Variants in RASAL2 observed in about 807,000 individuals in gnomAD.
RASAL2 encodes ras GTPase-activating protein nGAP.
Under a neutral mutation model 128.9 loss-of-function variants are expected in RASAL2, and 58 were observed. The ratio of observed to expected loss-of-function variants is 0.45; its 90% CI spans 0.36 to 0.56. The LOEUF (loss-of-function observed/expected upper bound fraction) is 0.56, where lower values mean the gene tolerates loss of function less well. Among genes scored for constraint, RASAL2 ranks in the 20% least tolerant of loss-of-function variants. The pLI is 0.00. For missense variants in RASAL2, 1,360 were observed against 1,601.6 expected (o/e 0.85, Z 2.57); for synonymous variants, 561 against 580.8 (o/e 0.97, Z 0.49).
At chr1:178,246,597 C>A (rs1664775553) in intron 1 of RASAL2, among the ~76,000 whole-genome samples, 1 of 152,116 alleles carries the variant, frequency 6.6e-6, no homozygotes, top group African/African-American at 2.4e-5. Context: ...GAACTTCCAA[C>A]ACTATGTTGA....
At chr1:178,166,312 A>G (rs1424109760) in intron 1 of RASAL2, among the ~76,000 whole-genome samples, 3 of 152,204 alleles carry the variant, frequency 2.0e-5, no homozygotes, top group Admixed American at 6.6e-5. Flanking sequence ...AAAGTTTTCT[A>G]TGAAATGATA....
chr1:178,471,142 G>C (rs989131892), intron 17 of RASAL2, among the ~76,000 whole-genome samples: 7 of 151,972 alleles, frequency 4.6e-5, no homozygotes, highest in African/African-American at 1.7e-4. Context: ...TTTATTTTTG[G>C]ATGAACCCTG....
intron 1 of RASAL2, among the ~76,000 whole-genome samples, chr1:178,207,829 G>A (rs1663111003): frequency 6.6e-6 from 1 of 151,530 alleles, no homozygotes; most frequent in Non-Finnish European, 1.5e-5. Flanking sequence ...AAAAACATTA[G>A]AACTCTTATA....
At position 178,466,047 on chromosome 1, in the gene RASAL2, G is replaced by A. The variant is rs1053663916; in HGVS notation, c.3515G>A (p.Arg1172Gln). Reference sequence around the variant, plus strand: ...AAGCTGCTGCTGGAATACAAGGCCCGACTGGAGGACAGCGAGGAGCGGCTC... The same window carrying A: ...AAGCTGCTGCTGGAATACAAGGCCCAACTGGAGGACAGCGAGGAGCGGCTC... ...MQKLLLEYKA[R>Q]LEDSEERLRR... Residue 1172 changes from arginine to glutamine, a missense_variant, in exon 16 of 18, where the codon CGA becomes CAA. Arg to Gln is a conservative substitution (Grantham distance 43). Coordinates refer to ENST00000367649, the MANE Select transcript of RASAL2 (RefSeq NM_170692.4). 21 of 1,582,348 alleles carry A rather than the reference G, an allele frequency of 1.3e-5. No individual in the cohort carries two copies. Among genetic ancestry groups the A allele is most frequent in the South Asian group, 9.3e-5 (8 of 86,462 alleles).
At chr1:178,389,972 T>G in intron 3 of RASAL2, 128 bp from the exon 4 acceptor site, 173 of 583,464 alleles carry the variant, frequency 3.0e-4, no homozygotes, top group East Asian at 6.3e-4. Flanking sequence ...ATAAATTATG[T>G]GAGATAGAAT....
At chr1:178,366,188 A>G (rs975210736) in intron 3 of RASAL2, among the ~76,000 whole-genome samples, 2 of 152,178 alleles carry the variant, frequency 1.3e-5, no homozygotes, top group Admixed American at 1.3e-4. Flanking sequence ...AGCTTCCTCA[A>G]ATGAGTCAGG....
intron 4 of RASAL2, chr1:178,411,471 G>A: frequency 4.0e-6 from 2 of 494,882 alleles, no homozygotes; most frequent in South Asian, 2.0e-5. Context: ...GGTGATGGGT[G>A]CCCCAAAATC....
intron 1 of RASAL2, among the ~76,000 whole-genome samples, chr1:178,188,227 G>T (rs1244009947): frequency 6.6e-6 from 1 of 151,822 alleles, no homozygotes; most frequent in Non-Finnish European, 1.5e-5. Context: ...CTTTTCTTTG[G>T]TATTCTACCC....
intron 3 of RASAL2, among the ~76,000 whole-genome samples, chr1:178,373,177 C>G (rs758019904): frequency 7.9e-5 from 12 of 151,200 alleles, no homozygotes; most frequent in Non-Finnish European, 1.3e-4. Context: ...TTCTGCCAGT[C>G]CAAAAGTTAT....
chr1:178,458,278 A>G lies in RASAL2; in HGVS notation c.2986A>G (p.Ile996Val). 2.5e-6 allele frequency: 4 copies of G among 1,614,264 alleles called. No homozygotes were observed. Among genetic ancestry groups the G allele is most frequent in the Non-Finnish European group, 3.4e-6 (4 of 1,180,052 alleles). The change falls in exon 14 of 18, where the codon ATA becomes GTA. Residue 996 changes from isoleucine to valine, a missense_variant. By Grantham distance (29) the Ile-to-Val change is conservative (BLOSUM62 3). Around this residue, in one of 3 missense-constraint regions of RASAL2, gnomAD observed 741 missense variants for 868.6 expected, o/e 0.85. Transcript: ENST00000367649. ...SRRHTVPDRHIPLALPRQNST... is the reference protein window; with the variant it reads ...SRRHTVPDRHVPLALPRQNST... ...GCGGCACACGGTGCCAGATAGACAC[A>G]TACCTCTTGCTTTGCCACGACAAAA...
chr1:178,180,500 A>G (rs1381223822), intron 1 of RASAL2, among the ~76,000 whole-genome samples: 1 of 150,592 alleles, frequency 6.6e-6, no homozygotes, highest in Non-Finnish European at 1.5e-5. Context: ...AAAAAAAAAA[A>G]AAAAAAAAAC....
intron 1 of RASAL2, among the ~76,000 whole-genome samples, chr1:178,128,615 C>T (rs1314834523): frequency 1.3e-5 from 2 of 151,972 alleles, no homozygotes; most frequent in African/African-American, 2.4e-5. Flanking sequence ...TTTATAAAGT[C>T]GTATAACCAT....
chr1:178,209,172 T>C (rs1663168566), intron 1 of RASAL2, among the ~76,000 whole-genome samples: 1 of 152,140 alleles, frequency 6.6e-6, no homozygotes, highest in Admixed American at 6.6e-5. Context: ...CATATTTTGC[T>C]GTTTTTGGAG....
intron 3 of RASAL2, among the ~76,000 whole-genome samples, chr1:178,312,439 T>G (rs957805984): frequency 6.6e-6 from 1 of 152,228 alleles, no homozygotes; most frequent in Admixed American, 6.5e-5. Context: ...TATATTTAGC[T>G]GTAAACTATT....
intron 1 of RASAL2, among the ~76,000 whole-genome samples, chr1:178,140,336 C>CGTT (rs1660480160): frequency 6.6e-6 from 1 of 152,090 alleles, no homozygotes; most frequent in Non-Finnish European, 1.5e-5. Flanking sequence ...AATATTGATG[C>CGTT]GTTATCAGTT....
In RASAL2 at chr1:178,451,553, T is replaced by C. The variant is rs369572017; in HGVS notation, c.1628-18T>C. 6 of 1,611,590 alleles carry C rather than the reference T, an allele frequency of 3.7e-6. No homozygotes were observed. Among genetic ancestry groups the C allele is most frequent in the African/African-American group, 2.7e-5 (2 of 74,974 alleles). ...GACACTGTTTATAGCTATACCGTTA[T>C]CTTCTCTCTTCAAATAGGGGAGTTT... On this transcript the variant is annotated intron_variant, in intron 9 of 17. Transcript: ENST00000367649.
chr1:178,275,251 C>T (rs1257139217), intron 1 of RASAL2, among the ~76,000 whole-genome samples: 1 of 152,214 alleles, frequency 6.6e-6, no homozygotes, highest in African/African-American at 2.4e-5. Flanking sequence ...CTATTGAGAG[C>T]ACAGTCATGC....
intron 3 of RASAL2, among the ~76,000 whole-genome samples, chr1:178,303,901 A>G (rs371046463): frequency 1.3e-5 from 2 of 152,110 alleles, no homozygotes; most frequent in African/African-American, 4.8e-5. Flanking sequence ...AAACTAATCT[A>G]TGGTGTTAGT....
intron 4 of RASAL2, among the ~76,000 whole-genome samples, chr1:178,416,067 A>T (rs1308467777): frequency 6.6e-6 from 1 of 152,110 alleles, no homozygotes; most frequent in African/African-American, 2.4e-5. Context: ...GATTATTGAC[A>T]TAGTTGGGTT....
Sources: allele counts gnomAD v4.1 joint callset (sites outside exome capture counted in the v4.1 genomes callset), GRCh38; gene constraint gnomAD v4.1.1; regional missense constraint gnomAD v4.1.1; transcripts MANE v1.5; gene names NCBI Gene and HGNC (gene_info 2026-07-23, HGNC 2026-07-21).